MRPL48: variants seen among roughly 807,000 people sequenced by gnomAD.
The protein encoded by MRPL48 is large ribosomal subunit protein mL48.
In MRPL48, 16 loss-of-function variants were observed where a neutral mutation model predicts 32.9. The observed-to-expected ratio is 0.49, with a 90% CI of 0.33 to 0.74. The LOEUF (loss-of-function observed/expected upper bound fraction) is 0.74. Among genes scored for constraint, MRPL48 ranks in the 30% least tolerant of loss-of-function variants. The pLI is 0.02. For missense variants in MRPL48, 206 were observed against 245.3 expected, an observed-to-expected ratio of 0.84 and a Z score of 1.07; for synonymous variants, 94 against 89.2, an observed-to-expected ratio of 1.05 and a Z score of -0.31.
chr11:73,855,089 T>TTATTAC (rs1169899518), intron 5 of MRPL48, among the ~76,000 whole-genome samples: 1 of 152,176 alleles, frequency 6.6e-6, no homozygotes, highest in Non-Finnish European at 1.5e-5. Flanking sequence ...GCTGCTATTA[T>TTATTAC]TATTACTATT....
At chr11:73,812,962 G>T (rs781552140) in intron 3 of MRPL48, among the ~76,000 whole-genome samples, 4 of 151,302 alleles carry the variant, frequency 2.6e-5, no homozygotes, top group Non-Finnish European at 5.9e-5. Context: ...TGTTGGCCAG[G>T]CTGGTCTCTA....
At chr11:73,857,587 CTTTTTTTTTTT>C (rs56265503) in intron 5 of MRPL48, among the ~76,000 whole-genome samples, 1,831 of 88,702 alleles carry the variant, frequency 0.021, 37 homozygotes, top group Non-Finnish European at 0.027. Flanking sequence ...GCCGCATAGA[CTTTTTTTTTTT>C]TTTTTTTTTT....
intron 1 of MRPL48, among the ~76,000 whole-genome samples, chr11:73,791,970 C>T (rs1468814038): frequency 6.6e-6 from 1 of 152,286 alleles, no homozygotes; most frequent in East Asian, 1.9e-4. Context: ...GTTGCCCAGG[C>T]TGGTCTTTAA....
At chr11:73,842,935 C>G (rs1948218384) in intron 4 of MRPL48, 1 of 152,226 alleles carries the variant, frequency 6.6e-6, no homozygotes, top group Admixed American at 6.6e-5. Context: ...CCTGAGCCTC[C>G]TGAGTAGCTG....
At chr11:73,834,019 G>C (rs1948043881) in intron 4 of MRPL48, among the ~76,000 whole-genome samples, 2 of 151,916 alleles carry the variant, frequency 1.3e-5, no homozygotes, top group African/African-American at 2.4e-5. Flanking sequence ...ACCACACCTG[G>C]CTAATTTTTT....
At chr11:73,790,052 T>G (rs1369668411) in intron 1 of MRPL48, among the ~76,000 whole-genome samples, 2 of 147,202 alleles carry the variant, frequency 1.4e-5, no homozygotes, top group African/African-American at 2.6e-5. Flanking sequence ...TACACCACCA[T>G]GCTCAGCTAA....
intron 3 of MRPL48, among the ~76,000 whole-genome samples, chr11:73,808,923 CAA>C (rs879556778): frequency 2.4e-5 from 3 of 126,592 alleles, no homozygotes; most frequent in Admixed American, 8.0e-5. Context: ...GACTTCATCT[CAA>C]AAAAAAAAAA....
chr11:73,822,948 T>C (rs935201039), intron 3 of MRPL48: 4 of 451,902 alleles, frequency 8.9e-6, no homozygotes, highest in African/African-American at 6.0e-5. Flanking sequence ...GGGATCCAGG[T>C]TGAGCACTAC....
intron 5 of MRPL48, among the ~76,000 whole-genome samples, chr11:73,859,517 G>A (rs977840668): frequency 2.0e-5 from 3 of 152,048 alleles, no homozygotes; most frequent in African/African-American, 7.2e-5. Context: ...CTGAGCTCAA[G>A]CCATCCAGCT....
intron 1 of MRPL48, among the ~76,000 whole-genome samples, chr11:73,798,416 A>G (rs933583205): frequency 7.9e-5 from 12 of 152,300 alleles, no homozygotes; most frequent in Admixed American, 6.5e-4. Context: ...TTTTAAAAGA[A>G]CTTGAGAAAA....
intron 4 of MRPL48, among the ~76,000 whole-genome samples, chr11:73,826,926 G>C (rs1278841528): frequency 6.6e-6 from 1 of 151,396 alleles, no homozygotes; most frequent in Non-Finnish European, 1.5e-5. Context: ...ACAGGCATGC[G>C]CCACCAAGCC....
intron 4 of MRPL48, among the ~76,000 whole-genome samples, chr11:73,840,863 G>T (rs1431497449): frequency 6.6e-6 from 1 of 152,058 alleles, no homozygotes; most frequent in Non-Finnish European, 1.5e-5. Flanking sequence ...GTACAGAGAG[G>T]GAGAAGATAT....
intron 3 of MRPL48, among the ~76,000 whole-genome samples, chr11:73,812,734 A>ATTTATT (rs200574504): frequency 1.8e-4 from 26 of 141,340 alleles, no homozygotes; most frequent in South Asian, 1.6e-3. Flanking sequence ...ATATATATAT[A>ATTTATT]TATATATTTA....
chr11:73,808,647 T>C (rs1792168), intron 3 of MRPL48, among the ~76,000 whole-genome samples: 1 of 152,026 alleles, frequency 6.6e-6, no homozygotes, highest in African/African-American at 2.4e-5. Flanking sequence ...TGAGGCCGGG[T>C]GCGGTGGCTC....
intron 5 of MRPL48, among the ~76,000 whole-genome samples, chr11:73,845,393 C>G (rs1363024829): frequency 6.6e-6 from 1 of 152,178 alleles, no homozygotes; most frequent in African/African-American, 2.4e-5. Flanking sequence ...CTATTTTTAA[C>G]TGTACAGTTT....
intron 5 of MRPL48, among the ~76,000 whole-genome samples, chr11:73,854,019 G>A (rs1396694399): frequency 1.3e-5 from 2 of 152,110 alleles, no homozygotes; most frequent in Non-Finnish European, 2.9e-5. Flanking sequence ...TGATGGCAAA[G>A]AACATTAAAT....
chr11:73,795,673 A>ATT lies in MRPL48; in HGVS notation c.21+7694_21+7695dup, dbSNP rs35881164. Among the ~76,000 whole-genome samples, 1,083 of 142,790 alleles carry ATT rather than the reference A, an allele frequency of 7.6e-3. 8 individuals are homozygous for ATT. Among genetic ancestry groups the ATT allele is most frequent in the African/African-American group, 0.021 (815 of 38,728 alleles). The allele number at this position is 142,790 out of a possible 152,430, so 93.7% of individuals were successfully genotyped here. A position where few individuals can be genotyped will look rare whatever the true frequency, so the allele number is the denominator to read the frequency against. On this transcript the variant is annotated intron_variant, in intron 1 of 7. Transcript: ENST00000310614. ...AGGCACCCGCCACCACGCCCAGCTA[A>ATT]TTTTTTTTTTTTTTAGTAGAGATGG...
intron 5 of MRPL48, among the ~76,000 whole-genome samples, chr11:73,858,522 G>A (rs953058424): frequency 3.9e-5 from 6 of 152,100 alleles, no homozygotes; most frequent in African/African-American, 1.2e-4. Context: ...TGATCCACCC[G>A]CATCGGCCTC....
At chr11:73,809,722 A>G (rs1312220328) in intron 3 of MRPL48, among the ~76,000 whole-genome samples, 1 of 152,088 alleles carries the variant, frequency 6.6e-6, no homozygotes, top group Non-Finnish European at 1.5e-5. Flanking sequence ...TGCTTTGTCT[A>G]TTATGTGAGA....
Sources: gnomAD v4.1 joint callset for allele counts (sites outside exome capture counted in the v4.1 genomes callset) on GRCh38, gnomAD v4.1.1 for gene constraint, MANE v1.5 for transcripts, NCBI Gene and HGNC (gene_info 2026-07-23, HGNC 2026-07-21) for gene names.